LHFPL3: variants seen among roughly 807,000 people sequenced by gnomAD.
The protein encoded by LHFPL3 is LHFPL tetraspan subfamily member 3 protein.
In LHFPL3, 5 loss-of-function variants were observed where a neutral mutation model predicts 19.3. The observed-to-expected ratio is 0.26, with a 90% CI of 0.14 to 0.54. The LOEUF (loss-of-function observed/expected upper bound fraction) is 0.54. Ranked by LOEUF, LHFPL3 falls within the 20% of genes least tolerant of loss-of-function variation. The probability of loss-of-function intolerance (pLI) is 0.94; values close to 1 mark genes in which losing one functional copy is unlikely to be tolerated. For synonymous variants in LHFPL3, 133 were observed against 126.2 expected (o/e 1.05, Z -0.36); for missense variants, 249 against 307.4 (o/e 0.81, Z 1.42).
chr7:104,753,871 A>T (rs1584516086), intron 2 of LHFPL3, among the ~76,000 whole-genome samples: 1 of 152,222 alleles, frequency 6.6e-6, no homozygotes, highest in African/African-American at 2.4e-5. Context: ...AGGCTGGCAG[A>T]ATTTAGACAG....
rs554782361 is a variant in LHFPL3 at position 104,526,557 on chromosome 7, G to A, written c.445+197333G>A. ...TGAAAATGAATTTTTAAAAGCCCAC[G>A]GCAATCTCCATTGCTGTGACATACC... On this transcript the variant is annotated intron_variant, in intron 1 of 2. Transcript: ENST00000424859. 5.9e-5 allele frequency among the ~76,000 whole-genome samples: 9 copies of A among 152,248 alleles called. No homozygotes were observed. In the South Asian group the frequency reaches 1.4e-3, roughly 25 times the overall value.
intron 1 of LHFPL3, among the ~76,000 whole-genome samples, chr7:104,496,121 C>T (rs1385087427): frequency 6.6e-6 from 1 of 152,098 alleles, no homozygotes; most frequent in Non-Finnish European, 1.5e-5. Context: ...CCTCCTCCTT[C>T]CCCCCACCCC....
intron 1 of LHFPL3, among the ~76,000 whole-genome samples, chr7:104,537,508 G>C (rs1794412691): frequency 6.6e-6 from 1 of 152,074 alleles, no homozygotes; most frequent in Non-Finnish European, 1.5e-5. Context: ...GTTTCTAGGT[G>C]CATCACTCAT....
chr7:104,375,061 A>G (rs1189999405), intron 1 of LHFPL3, among the ~76,000 whole-genome samples: 2 of 152,200 alleles, frequency 1.3e-5, no homozygotes, highest in Non-Finnish European at 2.9e-5. Context: ...AATACAGGCC[A>G]GGCACGGTGG....
chr7:104,402,820 A>G (rs1584295730), intron 1 of LHFPL3, among the ~76,000 whole-genome samples: 2 of 152,258 alleles, frequency 1.3e-5, no homozygotes, highest in African/African-American at 4.8e-5. Context: ...AATAAGACAC[A>G]CATTGAGAGT....
At chr7:104,714,516 GT>G (rs202202882) in intron 1 of LHFPL3, among the ~76,000 whole-genome samples, 66 of 144,620 alleles carry the variant, frequency 4.6e-4, no homozygotes, top group Middle Eastern at 3.7e-3. Context: ...ACAAGTCTGG[GT>G]TTTTTTTTTT....
chr7:104,615,546 T>G (rs1174354302), intron 1 of LHFPL3, among the ~76,000 whole-genome samples: 1 of 152,218 alleles, frequency 6.6e-6, no homozygotes, highest in Non-Finnish European at 1.5e-5. Flanking sequence ...TATTACACTT[T>G]AAGTTCTAGG....
chr7:104,677,365 TAAAA>T (rs57490869), intron 1 of LHFPL3, among the ~76,000 whole-genome samples: 1 of 143,550 alleles, frequency 7.0e-6, no homozygotes, highest in African/African-American at 2.6e-5. Flanking sequence ...CCAGTCTTCT[TAAAA>T]AAAAAAAAAG....
chr7:104,768,094 T>C (rs1386852460), intron 2 of LHFPL3, among the ~76,000 whole-genome samples: 1 of 145,048 alleles, frequency 6.9e-6, no homozygotes, highest in Non-Finnish European at 1.5e-5. Context: ...AAAATACTCA[T>C]GAAAGACTGA....
At chr7:104,357,009 T>TGGGGACCC in intron 1 of LHFPL3, among the ~76,000 whole-genome samples, 1 of 152,278 alleles carries the variant, frequency 6.6e-6, no homozygotes, top group African/African-American at 2.4e-5. Context: ...ACATTTAATT[T>TGGGGACCC]GGGGACTTGG....
intron 1 of LHFPL3, among the ~76,000 whole-genome samples, chr7:104,550,354 G>A (rs537906698): frequency 2.6e-5 from 4 of 151,966 alleles, no homozygotes; most frequent in African/African-American, 9.7e-5. Flanking sequence ...TTTGTTCTGG[G>A]GAGAAGAATA....
chr7:104,502,823 A>G (rs1793625677), intron 1 of LHFPL3, among the ~76,000 whole-genome samples: 1 of 152,222 alleles, frequency 6.6e-6, no homozygotes, highest in Non-Finnish European at 1.5e-5. Flanking sequence ...ACTCTATTCC[A>G]TACTAACTTA....
At chr7:104,863,170 T>A (rs1791648779) in intron 2 of LHFPL3, among the ~76,000 whole-genome samples, 1 of 152,306 alleles carries the variant, frequency 6.6e-6, no homozygotes, top group East Asian at 1.9e-4. Context: ...AGATCTTATT[T>A]TTTGTTGTTT....
At chr7:104,490,725 T>A (rs1298795368) in intron 1 of LHFPL3, among the ~76,000 whole-genome samples, 5 of 152,156 alleles carry the variant, frequency 3.3e-5, no homozygotes, top group African/African-American at 1.2e-4. Flanking sequence ...AAAAATTGAT[T>A]TTAACTATCT....
intron 2 of LHFPL3, among the ~76,000 whole-genome samples, chr7:104,862,013 A>G (rs1284864213): frequency 6.6e-6 from 1 of 152,176 alleles, no homozygotes; most frequent in African/African-American, 2.4e-5. Flanking sequence ...TCCTGGAGGC[A>G]GCAGGTTAGA....
intron 1 of LHFPL3, among the ~76,000 whole-genome samples, chr7:104,711,771 AG>A (rs1275146463): frequency 2.0e-5 from 3 of 152,204 alleles, no homozygotes; most frequent in Non-Finnish European, 4.4e-5. Context: ...GAGAAAACCC[AG>A]AAGAGATTTA....
At chr7:104,420,522 T>C (rs547277360) in intron 1 of LHFPL3, among the ~76,000 whole-genome samples, 7 of 151,890 alleles carry the variant, frequency 4.6e-5, no homozygotes, top group South Asian at 2.1e-4. Context: ...ACTTAAGCTG[T>C]ACGTGGTTAC....
At chr7:104,602,142 T>C (rs972731081) in intron 1 of LHFPL3, among the ~76,000 whole-genome samples, 2 of 141,272 alleles carry the variant, frequency 1.4e-5, no homozygotes, top group East Asian at 4.8e-4. Context: ...TGCCTCAGCC[T>C]CCCAAGTAGC....
At chr7:104,899,582 G>T (rs1339898712) in intron 2 of LHFPL3, among the ~76,000 whole-genome samples, 1 of 152,162 alleles carries the variant, frequency 6.6e-6, no homozygotes, top group Non-Finnish European at 1.5e-5. Flanking sequence ...AAAGGAACAT[G>T]TATGAAGCTC....
Sources: allele counts gnomAD v4.1 joint callset (sites outside exome capture counted in the v4.1 genomes callset), GRCh38; gene constraint gnomAD v4.1.1; transcripts MANE v1.5; gene names NCBI Gene and HGNC (gene_info 2026-07-23, HGNC 2026-07-21).